MFSD11: variants seen among roughly 807,000 people sequenced by gnomAD.
The protein encoded by MFSD11 is UNC93-like protein MFSD11.
A neutral mutation model predicts 53.5 loss-of-function variants in MFSD11; 36 were observed. That is an observed-to-expected ratio of 0.67 (90% CI 0.52 to 0.89). The LOEUF is 0.89. MFSD11 is among the 40% of genes least tolerant of loss of function. The pLI, the probability that MFSD11 is intolerant of heterozygous loss-of-function variation, is 0.00. For missense variants in MFSD11, 530 were observed against 543.9 expected, an observed-to-expected ratio of 0.97 and a Z score of 0.25; for synonymous variants, 186 against 184.9, an observed-to-expected ratio of 1.01 and a Z score of -0.05.
chr17:76,746,046 T>C (rs147813355), intron 7 of MFSD11, among the ~76,000 whole-genome samples: 2 of 152,296 alleles, frequency 1.3e-5, no homozygotes, highest in African/African-American at 4.8e-5. Context: ...ATGCCTCTTG[T>C]GCCAAACAGC....
At position 76,742,259 on chromosome 17, in the gene MFSD11, A is replaced by G. The variant is rs1303477888; in HGVS notation, c.423A>G (p.Ala141=). ...SIGRNSGIFW[A]LLQSSLFFGN... is the part of the protein sequence containing the mutation. The stretch of plus-strand genomic sequence containing the variant: ...GGAGAAACAGTGGGATTTTCTGGGC[A>G]CTTCTGCAGTCTAGGTAATTATCCT... The change falls in exon 5 of 13, where the codon GCA becomes GCG. Residue 141 remains alanine (A), a synonymous_variant. Transcript: ENST00000685175. 1.9e-6 allele frequency: 3 copies of G among 1,613,586 alleles called. No homozygotes were observed. The highest frequency in any genetic ancestry group is 2.7e-5 in the African/African-American group (2 of 74,890).
At chr17:76,769,544 C>T (rs1404643218) in intron 9 of MFSD11, 7 of 414,946 alleles carry the variant, frequency 1.7e-5, no homozygotes, top group Non-Finnish European at 3.0e-5. Flanking sequence ...GGGGAGGACA[C>T]AAACATTTAG....
rs1472264405 is a variant in MFSD11 at position 76,776,997 on chromosome 17, G to A, written c.1185+456G>A. Among the ~76,000 whole-genome samples, 3 of 151,818 alleles carry A rather than the reference G, an allele frequency of 2.0e-5. No homozygotes were observed. Among genetic ancestry groups the A allele is most frequent in the East Asian group, 2.0e-4 (1 of 5,112 alleles). ...TTTTTAAAGACAAAGTCGGCCCGCC[G>A]CGGCTCACACTTGTAATCCCAGCAC... On this transcript the variant is annotated intron_variant, in intron 12 of 12. Coordinates refer to ENST00000685175, the MANE Select transcript of MFSD11 (RefSeq NM_001242532.5). This position sits in a 1 kb window ranked among gnomAD's most constrained non-coding sequence, Gnocchi z 4.2.
At chr17:76,737,346 C>T (rs1031286974), upstream of MFSD11, 24 of 733,284 alleles carry the variant, frequency 3.3e-5, no homozygotes, top group South Asian at 9.2e-5. Context: ...GGGCAGCCGG[C>T]CTCTGCGCCC....
At chr17:76,793,735 A>G in the MFSD11 span, among the ~76,000 whole-genome samples, 1 of 151,576 alleles carries the variant, frequency 6.6e-6, no homozygotes, top group Admixed American at 6.6e-5. Context: ...AGAAATTATA[A>G]AAGTGTTAAT....
intron 8 of MFSD11, among the ~76,000 whole-genome samples, chr17:76,761,563 T>C (rs2080235256): frequency 6.6e-6 from 1 of 152,194 alleles, no homozygotes; most frequent in Non-Finnish European, 1.5e-5. Flanking sequence ...TTGTAAAAAA[T>C]ACATAGAAAA....
At chr17:76,736,951 G>A, upstream of MFSD11, 1 of 1,613,374 alleles carries the variant, frequency 6.2e-7, no homozygotes, top group East Asian at 2.2e-5. Context: ...CATCCATAGC[G>A]TCCTCAGCGT....
At chr17:76,745,438 GAGTA>G (rs1324494394) in intron 7 of MFSD11, 2 of 152,178 alleles carry the variant, frequency 1.3e-5, no homozygotes, top group Non-Finnish European at 2.9e-5. Flanking sequence ...ACCCTGCATC[GAGTA>G]AGTCTTTCTC....
chr17:76,775,380 C>T (rs1315048085), intron 11 of MFSD11, among the ~76,000 whole-genome samples: 1 of 152,132 alleles, frequency 6.6e-6, no homozygotes, highest in African/African-American at 2.4e-5. Flanking sequence ...TTAACCTTTT[C>T]CCCCACTAAA....
chr17:76,736,753 C>T (rs1598432835), upstream of MFSD11: 3 of 1,396,704 alleles, frequency 2.1e-6, no homozygotes, highest in East Asian at 5.6e-5. Flanking sequence ...CCCGGGCCTC[C>T]CGCGCGCCCC....
At chr17:76,765,395 C>T (rs1168553639) in intron 8 of MFSD11, among the ~76,000 whole-genome samples, 1 of 150,774 alleles carries the variant, frequency 6.6e-6, no homozygotes, top group African/African-American at 2.4e-5. Flanking sequence ...AAGTGTGAAT[C>T]CTCCAACTTT....
chr17:76,763,058 T>TA (rs1411002994), intron 8 of MFSD11, among the ~76,000 whole-genome samples: 1 of 152,116 alleles, frequency 6.6e-6, no homozygotes, highest in Non-Finnish European at 1.5e-5. Flanking sequence ...TGGTAATACA[T>TA]AAAGTTCGTG....
At chr17:76,793,515 T>C in the MFSD11 span, among the ~76,000 whole-genome samples, 2 of 151,408 alleles carry the variant, frequency 1.3e-5, no homozygotes, top group Non-Finnish European at 2.9e-5. Context: ...TTCATATTGT[T>C]CAAACACACA....
At chr17:76,775,417 C>T (rs1046478533) in intron 11 of MFSD11, among the ~76,000 whole-genome samples, 4 of 152,118 alleles carry the variant, frequency 2.6e-5, no homozygotes, top group Non-Finnish European at 4.4e-5. Flanking sequence ...TGAAGGAGCA[C>T]GTAAGTATCT....
upstream of MFSD11, chr17:76,737,340 A>C: frequency 2.5e-6 from 2 of 793,092 alleles, no homozygotes; most frequent in Non-Finnish European, 1.9e-6. Context: ...CTGGGCGGGC[A>C]GCCGGCCTCT....
the MFSD11 span, among the ~76,000 whole-genome samples, chr17:76,793,342 C>G: frequency 6.6e-6 from 1 of 151,504 alleles, no homozygotes; most frequent in Non-Finnish European, 1.5e-5. Context: ...CAGGGCTGTT[C>G]CTTGCTGAGA....
At chr17:76,797,233 A>T in the MFSD11 span, among the ~76,000 whole-genome samples, 1 of 152,196 alleles carries the variant, frequency 6.6e-6, no homozygotes, top group Non-Finnish European at 1.5e-5. Context: ...TACTCCATAG[A>T]CAGAGTAGCC....
At chr17:76,796,662 C>G in the MFSD11 span, among the ~76,000 whole-genome samples, 1 of 152,024 alleles carries the variant, frequency 6.6e-6, no homozygotes, top group Non-Finnish European at 1.5e-5. Flanking sequence ...AGAGAGGGTT[C>G]TTGGATTTCA....
At chr17:76,759,198 G>A (rs942358323) in intron 8 of MFSD11, among the ~76,000 whole-genome samples, 1 of 152,084 alleles carries the variant, frequency 6.6e-6, no homozygotes, top group East Asian at 1.9e-4. Context: ...AGGCTGCAGA[G>A]AATTATGATC....
Sources: allele counts gnomAD v4.1 joint callset (sites outside exome capture counted in the v4.1 genomes callset), GRCh38; gene constraint gnomAD v4.1.1; non-coding constraint Gnocchi (gnomAD v3.1); transcripts MANE v1.5; gene names NCBI Gene and HGNC (gene_info 2026-07-23, HGNC 2026-07-21).